The following SUPT3H variants were observed in gnomAD, a reference collection of about 807,000 sequenced individuals.
SUPT3H encodes transcription initiation protein SPT3 homolog.
A neutral mutation model predicts 44.3 loss-of-function variants in SUPT3H; 44 were observed. The ratio of observed to expected loss-of-function variants is 0.99; its 90% CI spans 0.78 to 1.28. The LOEUF is 1.28. Among genes scored for constraint, SUPT3H ranks in the 50% most tolerant of loss-of-function variants. The pLI is 0.00. For missense variants in SUPT3H, 380 were observed against 387.1 expected (o/e 0.98, Z 0.15); for synonymous variants, 124 against 125.6 (o/e 0.99, Z 0.09).
At chr6:45,241,274 G>T (rs1770274614) in intron 2 of SUPT3H, among the ~76,000 whole-genome samples, 1 of 152,104 alleles carries the variant, frequency 6.6e-6, no homozygotes, top group Non-Finnish European at 1.5e-5. Flanking sequence ...GCAACACTGT[G>T]ACATGTTCAT....
At chr6:45,245,651 AT>A (rs1197204988) in intron 2 of SUPT3H, among the ~76,000 whole-genome samples, 3 of 152,186 alleles carry the variant, frequency 2.0e-5, no homozygotes, top group African/African-American at 7.2e-5. Context: ...ATTCCATTTC[AT>A]GTAGGTACCA....
intron 3 of SUPT3H, among the ~76,000 whole-genome samples, chr6:45,022,415 G>GTTT (rs3053670): frequency 1.4e-5 from 2 of 141,562 alleles, no homozygotes; most frequent in African/African-American, 2.6e-5. Flanking sequence ...TGGAATCACT[G>GTTT]TTTTTTTTTT....
chr6:45,208,394 G>A (rs192710391), intron 2 of SUPT3H, among the ~76,000 whole-genome samples: 1 of 152,260 alleles, frequency 6.6e-6, no homozygotes, highest in Non-Finnish European at 1.5e-5. Flanking sequence ...TTAACAAGAA[G>A]ATCTAACTAA....
intron 10 of SUPT3H, among the ~76,000 whole-genome samples, chr6:44,885,122 C>G (rs1778949674): frequency 6.6e-6 from 1 of 152,226 alleles, no homozygotes. Context: ...GAAGCTCGAA[C>G]TGGGTGGAGC....
chr6:45,281,452 C>T (rs192785489), intron 2 of SUPT3H, among the ~76,000 whole-genome samples: 2 of 152,326 alleles, frequency 1.3e-5, no homozygotes, highest in East Asian at 3.9e-4. Context: ...ATATCCCGTG[C>T]CTGGCTCAGA....
intron 2 of SUPT3H, among the ~76,000 whole-genome samples, chr6:45,259,433 G>A (rs1773973951): frequency 6.6e-6 from 1 of 152,006 alleles, no homozygotes; most frequent in Non-Finnish European, 1.5e-5. Flanking sequence ...TTATGTCTTT[G>A]GAAAGAACAT....
intron 2 of SUPT3H, among the ~76,000 whole-genome samples, chr6:45,292,248 C>T (rs547300923): frequency 1.8e-4 from 27 of 152,062 alleles, no homozygotes; most frequent in Admixed American, 1.2e-3. Context: ...CGAGAGAATT[C>T]GCCACTACCA....
At chr6:45,207,588 T>C (rs1763393533) in intron 2 of SUPT3H, among the ~76,000 whole-genome samples, 1 of 152,176 alleles carries the variant, frequency 6.6e-6, no homozygotes, top group African/African-American at 2.4e-5. Flanking sequence ...CTTGGTGCCA[T>C]TTTTCAACAG....
chr6:45,120,976 AAT>A (rs891953988), intron 2 of SUPT3H, among the ~76,000 whole-genome samples: 3 of 152,198 alleles, frequency 2.0e-5, no homozygotes, highest in African/African-American at 7.2e-5. Flanking sequence ...TCATACTATT[AAT>A]AGATTATAAT....
intron 2 of SUPT3H, among the ~76,000 whole-genome samples, chr6:45,149,467 T>C (rs941610968): frequency 3.3e-5 from 5 of 152,322 alleles, no homozygotes; most frequent in African/African-American, 9.6e-5. Context: ...CTCAAGACTT[T>C]ACAACTTTTC....
intron 2 of SUPT3H, among the ~76,000 whole-genome samples, chr6:45,210,765 G>A (rs1197154638): frequency 6.6e-6 from 1 of 152,254 alleles, no homozygotes; most frequent in South Asian, 2.1e-4. Context: ...CTATAGTATA[G>A]GGTAAATGTA....
At chr6:44,866,753 C>T (rs375802421) in intron 10 of SUPT3H, among the ~76,000 whole-genome samples, 1 of 152,114 alleles carries the variant, frequency 6.6e-6, no homozygotes, top group African/African-American at 2.4e-5. Flanking sequence ...TATTATCCCC[C>T]ACAGCCTTCA....
intron 10 of SUPT3H, among the ~76,000 whole-genome samples, chr6:44,866,514 T>C (rs995141942): frequency 2.0e-4 from 14 of 70,236 alleles, no homozygotes; most frequent in African/African-American, 7.4e-4. Context: ...TTGAGATCCA[T>C]CTCTTAGGAA....
chr6:44,953,185 T>G lies in SUPT3H; in HGVS notation c.801+125A>C. 5 of 702,410 alleles carry G rather than the reference T, an allele frequency of 7.1e-6. No individual in the cohort carries two copies. The Admixed American group carries it at 9.6e-5, about 14-fold the overall frequency. 43.5% of individuals were successfully genotyped at this position (702,410 alleles called of 1,614,324 possible). On this transcript the variant is annotated intron_variant, in intron 9 of 10. Coordinates refer to ENST00000371459, the MANE Select transcript of SUPT3H (RefSeq NM_003599.4). ...TAAATACTTATTTGAATGTCTAATG[T>G]ATTAAGATTCTTTGACTGAAGGTTA...
chr6:45,184,787 A>G (rs1318619890), intron 2 of SUPT3H, among the ~76,000 whole-genome samples: 2 of 34,364 alleles, frequency 5.8e-5, no homozygotes, highest in Non-Finnish European at 1.2e-4. Flanking sequence ...AAAAAAAAAA[A>G]AAAAAAAAAA....
At chr6:44,851,798 CTG>C (rs1344718755) in intron 10 of SUPT3H, among the ~76,000 whole-genome samples, 1 of 152,152 alleles carries the variant, frequency 6.6e-6, no homozygotes, top group Non-Finnish European at 1.5e-5. Context: ...AATCTGGTGT[CTG>C]GAGTGATTTC....
chr6:44,962,017 G>A (rs1476771235), intron 6 of SUPT3H, among the ~76,000 whole-genome samples, 189 bp from the exon 7 acceptor site: 2 of 152,044 alleles, frequency 1.3e-5, no homozygotes, highest in Non-Finnish European at 2.9e-5. Flanking sequence ...GTGTCTTTTG[G>A]AAATAAAGTT....
intron 10 of SUPT3H, among the ~76,000 whole-genome samples, chr6:44,919,147 C>G (rs575983): frequency 4.6e-5 from 7 of 152,200 alleles, no homozygotes; most frequent in African/African-American, 1.7e-4. Flanking sequence ...GCTCTCATTA[C>G]GTTCCTTACA....
intron 2 of SUPT3H, among the ~76,000 whole-genome samples, chr6:45,344,469 G>A (rs1240843045): frequency 6.6e-6 from 1 of 151,448 alleles, no homozygotes; most frequent in African/African-American, 2.4e-5. Flanking sequence ...AATGAGCAGT[G>A]CCTTAGATTC....
Sources: gnomAD v4.1 joint callset for allele counts (sites outside exome capture counted in the v4.1 genomes callset) on GRCh38, gnomAD v4.1.1 for gene constraint, MANE v1.5 for transcripts, NCBI Gene and HGNC (gene_info 2026-07-23, HGNC 2026-07-21) for gene names.